GPC5: variants seen among roughly 807,000 people sequenced by gnomAD.
The protein encoded by GPC5 is glypican 5.
In GPC5, 47 loss-of-function variants were observed where a neutral mutation model predicts 53.9. That is an observed-to-expected ratio of 0.87 (90% CI 0.69 to 1.11). The LOEUF is 1.11. Among genes scored for constraint, GPC5 ranks in the 50% most tolerant of loss-of-function variants. The pLI is 0.00. For synonymous variants in GPC5, 286 were observed against 263.3 expected, an observed-to-expected ratio of 1.09 and a Z score of -0.84; for missense variants, 748 against 713.1, an observed-to-expected ratio of 1.05 and a Z score of -0.56.
rs570558082 is a variant in GPC5 at position 92,442,465 on chromosome 13, A to G, written c.1561+297476A>G. On this transcript the variant is annotated intron_variant, in intron 7 of 7. Coordinates refer to ENST00000377067, the MANE Select transcript of GPC5 (RefSeq NM_004466.6). ...GGTATGCAGAGATCCTGGGACCCAT[A>G]ATATTCAGAAGATTACTAGGATGTA... Among the ~76,000 whole-genome samples, 5 of 152,310 alleles carry G rather than the reference A, an allele frequency of 3.3e-5. No homozygotes were observed. In the East Asian group the frequency reaches 9.7e-4, roughly 29 times the overall value.
chr13:91,512,292 G>A (rs773951355), intron 2 of GPC5, among the ~76,000 whole-genome samples: 7 of 152,168 alleles, frequency 4.6e-5, no homozygotes, highest in Non-Finnish European at 1.0e-4. Context: ...TACTTCCTCT[G>A]TCCTTCCCGT....
At chr13:91,948,150 T>C (rs139979603) in intron 6 of GPC5, among the ~76,000 whole-genome samples, 3,193 of 150,686 alleles carry the variant, frequency 0.021, 103 homozygotes, top group African/African-American at 0.074. Context: ...ATGGCGTGAA[T>C]CTGGGAGGTG....
At chr13:92,466,384 A>G (rs757516975) in intron 7 of GPC5, among the ~76,000 whole-genome samples, 6 of 151,886 alleles carry the variant, frequency 4.0e-5, no homozygotes, top group Non-Finnish European at 7.4e-5. Flanking sequence ...AGGTATATAA[A>G]ATCACAACCT....
At chr13:91,679,677 A>G (rs1480391453) in intron 2 of GPC5, among the ~76,000 whole-genome samples, 2 of 152,338 alleles carry the variant, frequency 1.3e-5, no homozygotes, top group East Asian at 3.9e-4. Context: ...TTTAATAGTA[A>G]TCACTGTATG....
intron 2 of GPC5, chr13:91,486,046 A>G (rs936281057): frequency 3.9e-5 from 6 of 152,248 alleles, no homozygotes; most frequent in African/African-American, 1.4e-4. Context: ...CACCTGGCTC[A>G]GGCTGCAGAG....
intron 7 of GPC5, among the ~76,000 whole-genome samples, chr13:92,708,235 A>T (rs1430384536): frequency 6.6e-6 from 1 of 152,196 alleles, no homozygotes; most frequent in Non-Finnish European, 1.5e-5. Context: ...TTTGCAATCC[A>T]TAGCTTTTTC....
At chr13:91,580,949 A>G (rs930966968) in intron 2 of GPC5, among the ~76,000 whole-genome samples, 3 of 152,238 alleles carry the variant, frequency 2.0e-5, no homozygotes, top group Non-Finnish European at 4.4e-5. Flanking sequence ...GAAACCTTCA[A>G]TCATGGTGGA....
chr13:92,564,667 T>C (rs1882809069), intron 7 of GPC5, among the ~76,000 whole-genome samples: 1 of 152,010 alleles, frequency 6.6e-6, no homozygotes. Context: ...CAGTCCTTTT[T>C]CCCCTTCTTC....
chr13:91,675,980 T>C (rs1487284446), intron 2 of GPC5, among the ~76,000 whole-genome samples: 1 of 152,248 alleles, frequency 6.6e-6, no homozygotes, highest in Non-Finnish European at 1.5e-5. Context: ...TGCAGATTTC[T>C]GGACTTAAGG....
At chr13:92,602,239 T>TATATATATATATATATA (rs1884096260) in intron 7 of GPC5, among the ~76,000 whole-genome samples, 1 of 99,508 alleles carries the variant, frequency 1.0e-5, no homozygotes, top group Admixed American at 1.1e-4. Context: ...ATAACATATA[T>TATATATATATATATATA]ATATATATAT....
intron 7 of GPC5, among the ~76,000 whole-genome samples, chr13:92,453,262 G>C (rs1878136694): frequency 6.6e-6 from 1 of 152,104 alleles, no homozygotes; most frequent in Non-Finnish European, 1.5e-5. Context: ...CCATTGTAAC[G>C]AATGTCTAAA....
chr13:91,401,903 T>C (rs1876982762), intron 1 of GPC5, among the ~76,000 whole-genome samples: 1 of 152,314 alleles, frequency 6.6e-6, no homozygotes, highest in South Asian at 2.1e-4. Flanking sequence ...TAAATGTGAT[T>C]AGAATTAGAG....
chr13:92,443,897 T>C (rs536710297), intron 7 of GPC5, among the ~76,000 whole-genome samples: 1 of 152,318 alleles, frequency 6.6e-6, no homozygotes, highest in African/African-American at 2.4e-5. Flanking sequence ...AAGAAAAATG[T>C]TCTTGATCAT....
At chr13:91,784,490 C>T (rs1222066409) in intron 5 of GPC5, among the ~76,000 whole-genome samples, 3 of 152,018 alleles carry the variant, frequency 2.0e-5, no homozygotes, top group Non-Finnish European at 4.4e-5. Flanking sequence ...TTCGGGAGGC[C>T]AAGGTGGGCA....
At chr13:92,031,315 T>C (rs1274551102) in intron 6 of GPC5, among the ~76,000 whole-genome samples, 2 of 152,136 alleles carry the variant, frequency 1.3e-5, no homozygotes, top group African/African-American at 4.8e-5. Flanking sequence ...TGACTTCACC[T>C]TTGAGGTCCA....
intron 7 of GPC5, among the ~76,000 whole-genome samples, chr13:92,492,714 G>T (rs1879814399): frequency 1.3e-5 from 2 of 152,182 alleles, no homozygotes; most frequent in South Asian, 4.1e-4. Flanking sequence ...TCTTCCTTAG[G>T]AAAGCCAGGT....
chr13:91,469,086 C>A (rs1882436454), intron 2 of GPC5, among the ~76,000 whole-genome samples: 1 of 151,430 alleles, frequency 6.6e-6, no homozygotes, highest in South Asian at 2.1e-4. Flanking sequence ...TCTCTCTTTT[C>A]TTTTTATTCT....
At chr13:92,714,824 T>C (rs1334364774) in intron 7 of GPC5, among the ~76,000 whole-genome samples, 1 of 152,140 alleles carries the variant, frequency 6.6e-6, no homozygotes, top group Non-Finnish European at 1.5e-5. Flanking sequence ...TCCCAGTACT[T>C]TGGGAGGCCG....
intron 2 of GPC5, among the ~76,000 whole-genome samples, chr13:91,684,073 C>T (rs540112669): frequency 3.9e-4 from 60 of 152,282 alleles, no homozygotes; most frequent in African/African-American, 1.4e-3. Flanking sequence ...AGATTACTTT[C>T]TTCTACTTGC....
Sources: allele counts gnomAD v4.1 joint callset (sites outside exome capture counted in the v4.1 genomes callset), GRCh38; gene constraint gnomAD v4.1.1; transcripts MANE v1.5; gene names NCBI Gene and HGNC (gene_info 2026-07-23, HGNC 2026-07-21).